The following MEIOSIN variants were observed in gnomAD, a reference collection of about 807,000 sequenced individuals.
MEIOSIN encodes meiosis initiator protein.
A neutral mutation model predicts 23.4 loss-of-function variants in MEIOSIN; 18 were observed. That is an observed-to-expected ratio of 0.77 (90% confidence interval 0.53 to 1.14). The LOEUF (loss-of-function observed/expected upper bound fraction) is 1.14, where lower values mean the gene tolerates loss of function less well. Among genes scored for constraint, MEIOSIN ranks in the 50% most tolerant of loss-of-function variants. The probability of loss-of-function intolerance (pLI) is 0.00; values close to 1 mark genes in which losing one functional copy is unlikely to be tolerated. For missense variants in MEIOSIN, 428 were observed against 242.9 expected, an observed-to-expected ratio of 1.76 and a Z score of -5.07; for synonymous variants, 187 against 100.6, an observed-to-expected ratio of 1.86 and a Z score of -5.14.
At chr19:45,753,378 A>G (rs1968753663) in intron 5 of MEIOSIN, among the ~76,000 whole-genome samples, 1 of 152,020 alleles carries the variant, frequency 6.6e-6, no homozygotes, top group Admixed American at 6.6e-5. Context: ...GAGAGGGTGA[A>G]GCATCCTCAA....
intron 8 of MEIOSIN, among the ~76,000 whole-genome samples, chr19:45,756,440 C>T (rs1221808724): frequency 6.6e-6 from 1 of 151,758 alleles, no homozygotes; most frequent in Non-Finnish European, 1.5e-5. Context: ...TTGTTTGAGA[C>T]AGGGTCTCAC....
rs768477198 is a variant in MEIOSIN at position 45,739,677 on chromosome 19, C to G, written c.123C>G (p.Ser41=). 5.8e-5 allele frequency: 41 copies of G among 703,264 alleles called. No individual in the cohort carries two copies. The highest frequency in any genetic ancestry group is 8.6e-5 in the Non-Finnish European group (33 of 385,106). 43.6% of individuals were successfully genotyped at this position (703,264 alleles called of 1,614,324 possible). A position where few individuals can be genotyped will look rare whatever the true frequency, so the allele number is the denominator to read the frequency against. ...LVEGEDKVNP[S]EPHGLRMEEK... ...AAGGGGAAGATAAGGTCAACCCCTC[C>G]GAACCACATGGACTGAGAATGGAGG... is the stretch of plus-strand genomic sequence containing the variant. The change falls in exon 3 of 15, where the codon TCC becomes TCG. Residue 41 remains serine, a synonymous_variant. Coordinates refer to ENST00000457052, the MANE Select transcript of MEIOSIN (RefSeq NM_001310124.2).
chr19:45,740,451 A>T (rs969594111), intron 3 of MEIOSIN, among the ~76,000 whole-genome samples: 1 of 152,010 alleles, frequency 6.6e-6, no homozygotes, highest in Non-Finnish European at 1.5e-5. Context: ...ATCCCTACAC[A>T]CTATTAAAAC....
intron 4 of MEIOSIN, among the ~76,000 whole-genome samples, chr19:45,745,569 T>G (rs1600379831): frequency 1.3e-5 from 2 of 152,296 alleles, no homozygotes; most frequent in African/African-American, 4.8e-5. Context: ...AAGATCATTG[T>G]TCCAGGAATC....
At chr19:45,762,233 C>G (rs950704898) in intron 13 of MEIOSIN, 50 bp downstream of exon 13, 1 of 404,958 alleles carries the variant, frequency 2.5e-6, no homozygotes, top group Non-Finnish European at 4.3e-6. Context: ...GCTTCGTTCT[C>G]TGCCCGCAGC....
intron 8 of MEIOSIN, among the ~76,000 whole-genome samples, chr19:45,756,561 G>A (rs1488653291): frequency 1.3e-5 from 2 of 152,112 alleles, no homozygotes; most frequent in African/African-American, 4.8e-5. Context: ...GGGACCACAG[G>A]TGCACACCAC....
chr19:45,753,489 C>G (rs1297188855), intron 5 of MEIOSIN, among the ~76,000 whole-genome samples, 162 bp from the exon 6 acceptor site: 1 of 152,202 alleles, frequency 6.6e-6, no homozygotes, highest in Non-Finnish European at 1.5e-5. Flanking sequence ...TTTCACAGTC[C>G]TGACTGAGCG....
intron 7 of MEIOSIN, 105 bp from the exon 8 acceptor site, chr19:45,755,865 G>A (rs2146194515): frequency 1.6e-6 from 1 of 633,664 alleles, no homozygotes; most frequent in Non-Finnish European, 2.9e-6. Context: ...GGATTGGGGA[G>A]TGAGAGGGTG....
chr19:45,745,226 A>G lies in MEIOSIN; in HGVS notation c.211A>G (p.Asn71Asp), dbSNP rs1213700513. 8.5e-6 allele frequency: 6 copies of G among 702,854 alleles called. No homozygotes were observed. Among genetic ancestry groups the G allele is most frequent in the Admixed American group, 2.0e-5 (1 of 49,960 alleles). The allele number at this position is 702,854 out of a possible 1,614,324, so 43.5% of individuals were successfully genotyped here. The change falls in exon 4 of 15, where the codon AAC (asparagine) becomes GAC (aspartate). Residue 71 changes from asparagine to aspartate, a missense_variant. Coordinates refer to ENST00000457052, the MANE Select transcript of MEIOSIN (RefSeq NM_001310124.2). ...QRNQNKLLSP[N>D]KKQRKNHTSK... ...GAACCAAAACAAGCTCCTGTCCCCA[A>G]ACAAGAAGCAGAGGAAAAACCACAC...
chr19:45,760,885 T>C (rs1254037474), intron 11 of MEIOSIN, among the ~76,000 whole-genome samples: 2 of 148,384 alleles, frequency 1.3e-5, no homozygotes, highest in African/African-American at 5.0e-5. Context: ...GATGGTGCCA[T>C]TGCACTCCAG....
chr19:45,747,299 G>A lies in MEIOSIN; in HGVS notation c.306+1978G>A, dbSNP rs1046068971. On this transcript the variant is annotated intron_variant, in intron 4 of 14. Transcript: ENST00000457052. ...TGGGACATGCTCAGTCCAGTGCTCC[G>A]CGCCATAGCAGGAGCTGTGAGAATT... Among the ~76,000 whole-genome samples, 9 of 152,264 alleles carry A rather than the reference G, an allele frequency of 5.9e-5. No individual in the cohort carries two copies. In the South Asian group the frequency reaches 1.0e-3, roughly 18 times the overall value.
Position 45,741,809 on chromosome 19 carries a change from T to C in MEIOSIN, c.176+2079T>C, listed in dbSNP as rs190016495. Among the ~76,000 whole-genome samples the C allele has an allele frequency of 3.9e-3, 587 of 152,258 alleles. 6 individuals are homozygous for C. Among genetic ancestry groups the C allele is most frequent in the African/African-American group, 0.014 (565 of 41,572 alleles). On this transcript the variant is annotated intron_variant, in intron 3 of 14. Transcript: ENST00000457052. ...AAATAAGATTTCACAGCCTGTACAA[T>C]ATAGAGAGACCGCGTCTCCAAAAAA...
intron 2 of MEIOSIN, among the ~76,000 whole-genome samples, chr19:45,736,402 C>G (rs974498495): frequency 6.6e-6 from 1 of 152,052 alleles, no homozygotes; most frequent in African/African-American, 2.4e-5. Context: ...ACTCTGATGC[C>G]CAGGCTGTAG....
intron 6 of MEIOSIN, 60 bp from the exon 7 acceptor site, chr19:45,754,419 T>C: frequency 1.5e-6 from 1 of 666,414 alleles, no homozygotes. Flanking sequence ...CTGAACCCTA[T>C]TCTGGTGACA....
intron 3 of MEIOSIN, among the ~76,000 whole-genome samples, chr19:45,743,898 C>T (rs1445697580): frequency 6.6e-6 from 1 of 152,006 alleles, no homozygotes; most frequent in Non-Finnish European, 1.5e-5. Flanking sequence ...CTCAAGTGAT[C>T]CTCCCACCCT....
At chr19:45,750,634 C>A in intron 4 of MEIOSIN, 41 bp from the exon 5 acceptor site, 1 of 499,050 alleles carries the variant, frequency 2.0e-6, no homozygotes. Flanking sequence ...GCTGTGATTA[C>A]AGGCGTGAGC....
At chr19:45,741,149 A>G (rs1044827057) in intron 3 of MEIOSIN, among the ~76,000 whole-genome samples, 2 of 152,062 alleles carry the variant, frequency 1.3e-5, no homozygotes, top group African/African-American at 4.8e-5. Context: ...GGAGTTCGAG[A>G]CCAGTCTGGC....
intron 14 of MEIOSIN, 50 bp from the exon 15 acceptor site, chr19:45,763,921 G>A (rs1318371708): frequency 5.0e-6 from 2 of 398,552 alleles, no homozygotes; most frequent in Non-Finnish European, 8.8e-6. Flanking sequence ...GTACAGGGAT[G>A]CCCGGGAGGC....
intron 10 of MEIOSIN, 37 bp from the exon 11 acceptor site, chr19:45,759,377 T>C: frequency 1.4e-6 from 1 of 702,534 alleles, no homozygotes; most frequent in Non-Finnish European, 2.6e-6. Context: ...GGGAGAAGCA[T>C]TTCCACTCTG....
Sources: gnomAD v4.1 joint callset for allele counts (sites outside exome capture counted in the v4.1 genomes callset) on GRCh38, gnomAD v4.1.1 for gene constraint, MANE v1.5 for transcripts, NCBI Gene and HGNC (gene_info 2026-07-23, HGNC 2026-07-21) for gene names.